The following CXCL13 variants were observed in gnomAD, a reference collection of about 807,000 sequenced individuals.
The protein encoded by CXCL13 is C-X-C motif chemokine 13.
A neutral mutation model predicts 12.2 loss-of-function variants in CXCL13; 7 were observed. The observed-to-expected ratio is 0.57, with a 90% confidence interval of 0.33 to 1.07. CXCL13 has a LOEUF of 1.07. Ranked by LOEUF, CXCL13 falls within the 50% of genes least tolerant of loss-of-function variation. The pLI, the probability that CXCL13 is intolerant of heterozygous loss-of-function variation, is 0.04. For synonymous variants in CXCL13, 47 were observed against 42.4 expected (o/e 1.11, Z -0.42); for missense variants, 113 against 127.4 (o/e 0.89, Z 0.55).
chr4:77,512,438 C>T (rs985627563), intron 1 of CXCL13, among the ~76,000 whole-genome samples: 2 of 152,202 alleles, frequency 1.3e-5, no homozygotes, highest in Non-Finnish European at 2.9e-5. Context: ...AAGTAATTGT[C>T]TATCCATCCT....
chr4:77,576,635 A>G (rs919074106), intron 1 of CXCL13, among the ~76,000 whole-genome samples: 1 of 152,094 alleles, frequency 6.6e-6, no homozygotes, highest in Non-Finnish European at 1.5e-5. Context: ...CCTTAAGAGG[A>G]GAGGATTACC....
At chr4:77,516,325 A>G (rs528909049) in intron 1 of CXCL13, among the ~76,000 whole-genome samples, 1 of 152,322 alleles carries the variant, frequency 6.6e-6, no homozygotes, top group East Asian at 1.9e-4. Context: ...GGCCTCATAA[A>G]TGAGTTAGGG....
Position 77,559,953 on chromosome 4 carries a change from T to C in CXCL13, c.-42-45871T>C, listed in dbSNP as rs375922057. On this transcript the variant is annotated intron_variant, in intron 1 of 4. Transcript: ENST00000286758. Reference sequence around the variant, plus strand: ...AAAAAAAAAAAAACCTGACGCTCAATGTGCTTTCCAAATATCTTGGAGCTC... The same window carrying C: ...AAAAAAAAAAAAACCTGACGCTCAACGTGCTTTCCAAATATCTTGGAGCTC... Among the ~76,000 whole-genome samples the C allele has an allele frequency of 6.7e-5, 10 of 149,486 alleles. No individual in the cohort carries two copies. The East Asian group carries it at 9.8e-4, about 15-fold the overall frequency.
chr4:77,518,521 C>T (rs1225676227), intron 1 of CXCL13, among the ~76,000 whole-genome samples: 1 of 152,012 alleles, frequency 6.6e-6, no homozygotes, highest in Non-Finnish European at 1.5e-5. Context: ...TCTAAACTTC[C>T]CTTCTTGCTT....
intron 1 of CXCL13, among the ~76,000 whole-genome samples, chr4:77,587,311 G>A (rs1185874117): frequency 6.6e-6 from 1 of 152,162 alleles, no homozygotes; most frequent in Non-Finnish European, 1.5e-5. Flanking sequence ...CATTCAGTCA[G>A]CAGAGGAGCC....
Position 77,559,921 on chromosome 4 carries a change from CAA to C in CXCL13, c.-42-45885_-42-45884del, listed in dbSNP as rs751894798. On this transcript the variant is annotated intron_variant, in intron 1 of 4. Transcript: ENST00000286758. ...TGGGTGAGAGAGCGAGACTCCATCA[CAA>C]AAAAAAAAAAAAAAAAACCTGACGC... Among the ~76,000 whole-genome samples, 351 of 77,106 alleles carry C rather than the reference CAA, an allele frequency of 4.6e-3. 7 individuals are homozygous for C. The highest frequency in any genetic ancestry group is 0.04 in the East Asian group (113 of 2,848). 50.6% of individuals were successfully genotyped at this position (77,106 alleles called of 152,430 possible).
At chr4:77,544,505 G>T (rs1218411308) in intron 1 of CXCL13, among the ~76,000 whole-genome samples, 1 of 152,194 alleles carries the variant, frequency 6.6e-6, no homozygotes, top group East Asian at 1.9e-4. Context: ...CAGTGATGAT[G>T]AGCATTTTTT....
At chr4:77,555,428 A>G (rs1284660024) in intron 1 of CXCL13, among the ~76,000 whole-genome samples, 2 of 152,168 alleles carry the variant, frequency 1.3e-5, no homozygotes, top group Non-Finnish European at 2.9e-5. Flanking sequence ...AGTAGAAAAG[A>G]TTTTTCATTA....
intron 2 of CXCL13, 75 bp downstream of exon 2, chr4:77,607,910 C>A: frequency 7.0e-7 from 1 of 1,421,320 alleles, no homozygotes. Flanking sequence ...ATACAGTAGT[C>A]TTACTCAAGA....
At chr4:77,527,864 G>T (rs1724806337) in intron 1 of CXCL13, among the ~76,000 whole-genome samples, 1 of 151,886 alleles carries the variant, frequency 6.6e-6, no homozygotes, top group Admixed American at 6.6e-5. Context: ...GTGCCATGTT[G>T]GTGTGTTGTA....
In CXCL13 at chr4:77,526,168, G is replaced by C. The variant is rs934691544; in HGVS notation, c.-43+14380G>C. Among the ~76,000 whole-genome samples the C allele has an allele frequency of 3.3e-5, 5 of 151,894 alleles. No individual in the cohort carries two copies. In the East Asian group the frequency reaches 9.6e-4, roughly 29 times the overall value. ...TGGTATATCTTTGGATCATAAAATT[G>C]TTCCTAGGCAGCTTATTTTATTTTT... On this transcript the variant is annotated intron_variant, in intron 1 of 4. Coordinates refer to the CXCL13 transcript ENST00000286758.
intron 1 of CXCL13, among the ~76,000 whole-genome samples, chr4:77,565,403 T>G (rs1435919497): frequency 6.6e-6 from 1 of 152,198 alleles, no homozygotes; most frequent in African/African-American, 2.4e-5. Context: ...ATTTGGTGTT[T>G]GTAGAATCTT....
At chr4:77,572,256 C>G (rs929115617) in intron 1 of CXCL13, among the ~76,000 whole-genome samples, 1 of 151,744 alleles carries the variant, frequency 6.6e-6, no homozygotes, top group African/African-American at 2.4e-5. Context: ...TAAAAATTAG[C>G]CAGGAGTGGT....
intron 1 of CXCL13, among the ~76,000 whole-genome samples, chr4:77,565,226 G>T (rs544947717): frequency 5.3e-5 from 8 of 152,304 alleles, no homozygotes; most frequent in Admixed American, 3.9e-4. Flanking sequence ...AGGTTCTACA[G>T]CTAAAAATAC....
At chr4:77,528,192 G>T (rs915331704) in intron 1 of CXCL13, among the ~76,000 whole-genome samples, 1 of 152,084 alleles carries the variant, frequency 6.6e-6, no homozygotes, top group Admixed American at 6.6e-5. Flanking sequence ...TTGGACATTT[G>T]GTTTGTTCCA....
At chr4:77,523,489 C>T (rs533783474) in intron 1 of CXCL13, among the ~76,000 whole-genome samples, 7 of 152,162 alleles carry the variant, frequency 4.6e-5, no homozygotes, top group Admixed American at 2.0e-4. Context: ...CTCTTTCTTC[C>T]ACTTGATCAA....
rs994312843 is a variant in CXCL13 at position 77,605,877 on chromosome 4, C to G, written c.12C>G (p.Ile4Met). Residue 4 changes from isoleucine (I) to methionine (M), a missense_variant, in exon 1 of 4, where the codon ATC becomes ATG. Transcript: ENST00000682537. MKF[I>M]STSLLLMLLV... ...TACCTCCAGACAGAATGAAGTTCAT[C>G]TCGACATCTCTGCTTCTCATGCTGC... The G allele has an allele frequency of 6.2e-7, 1 of 1,606,330 alleles. No homozygotes were observed. Among genetic ancestry groups the G allele is most frequent in the Non-Finnish European group, 8.5e-7 (1 of 1,175,140 alleles).
chr4:77,543,555 G>C (rs1250216333), intron 1 of CXCL13, among the ~76,000 whole-genome samples: 1 of 151,884 alleles, frequency 6.6e-6, no homozygotes. Context: ...TTGTGTCTCT[G>C]TCCATCTTTA....
chr4:77,520,416 G>T (rs889569166), intron 1 of CXCL13, among the ~76,000 whole-genome samples: 1 of 152,132 alleles, frequency 6.6e-6, no homozygotes. Context: ...AGTTCTCCTT[G>T]AAGAGGTCCT....
Sources: allele counts gnomAD v4.1 joint callset (sites outside exome capture counted in the v4.1 genomes callset), GRCh38; gene constraint gnomAD v4.1.1; transcripts MANE v1.5; gene names NCBI Gene and HGNC (gene_info 2026-07-23, HGNC 2026-07-21).